TMEM178B: variants seen among roughly 807,000 people sequenced by gnomAD.
The protein encoded by TMEM178B is transmembrane protein 178B.
Under a neutral mutation model 31.0 loss-of-function variants are expected in TMEM178B, and 5 were observed. The observed-to-expected ratio is 0.16, with a 90% CI of 0.08 to 0.34. TMEM178B has a LOEUF of 0.34. TMEM178B is among the 10% of genes least tolerant of loss of function. TMEM178B has a pLI of 1.00. For synonymous variants in TMEM178B, 164 were observed against 164.0 expected (o/e 1.00, Z 0.00); for missense variants, 275 against 400.3 (o/e 0.69, Z 2.67).
At chr7:141,225,722 C>T (rs1392768719) in intron 2 of TMEM178B, among the ~76,000 whole-genome samples, 1 of 152,182 alleles carries the variant, frequency 6.6e-6, no homozygotes, top group East Asian at 1.9e-4. Flanking sequence ...GACTGGATCC[C>T]CCAAATTGGA....
chr7:141,213,224 T>A (rs1017531690), intron 2 of TMEM178B, among the ~76,000 whole-genome samples: 2 of 152,164 alleles, frequency 1.3e-5, no homozygotes, highest in Non-Finnish European at 1.5e-5. Flanking sequence ...AAATGATAGG[T>A]TTTGGAACCT....
intron 2 of TMEM178B, among the ~76,000 whole-genome samples, chr7:141,310,683 C>T (rs528959081): frequency 1.2e-3 from 182 of 152,220 alleles, no homozygotes; most frequent in African/African-American, 4.3e-3. Flanking sequence ...GGACAAATAA[C>T]GCTTTTACAC....
chr7:141,507,636 G>A, the TMEM178B span, among the ~76,000 whole-genome samples: 1 of 152,256 alleles, frequency 6.6e-6, no homozygotes, highest in African/African-American at 2.4e-5. Flanking sequence ...CTCCCAAAGT[G>A]CTGGGATTAC....
intron 1 of TMEM178B, among the ~76,000 whole-genome samples, chr7:141,204,186 C>T (rs777485652): frequency 3.2e-4 from 49 of 152,138 alleles, no homozygotes; most frequent in Non-Finnish European, 5.3e-4. Context: ...GAGCTGGAAG[C>T]GTGAGACTGG....
At chr7:141,295,582 C>T (rs1365832104) in intron 2 of TMEM178B, among the ~76,000 whole-genome samples, 1 of 152,172 alleles carries the variant, frequency 6.6e-6, no homozygotes, top group Non-Finnish European at 1.5e-5. Flanking sequence ...TATGAAGAGG[C>T]AGAAGCAGCA....
intron 2 of TMEM178B, among the ~76,000 whole-genome samples, chr7:141,424,564 T>A (rs758056903): frequency 2.0e-5 from 3 of 152,196 alleles, no homozygotes; most frequent in Non-Finnish European, 4.4e-5. Flanking sequence ...TGGAATTTTT[T>A]AAAAACAATA....
chr7:141,213,248 A>C (rs757929394), intron 2 of TMEM178B, among the ~76,000 whole-genome samples: 2 of 152,206 alleles, frequency 1.3e-5, no homozygotes, highest in Non-Finnish European at 2.9e-5. Flanking sequence ...TTCATGTGCA[A>C]TTCCTCAGCA....
intron 1 of TMEM178B, among the ~76,000 whole-genome samples, chr7:141,097,793 C>CTTTTTTTTTT (rs552569756): frequency 1.6e-5 from 2 of 125,936 alleles, no homozygotes; most frequent in African/African-American, 3.2e-5. Flanking sequence ...TTCTTTCTTT[C>CTTTTTTTTTT]TTTTTTTTTT....
At chr7:141,167,582 C>T (rs1383562867) in intron 1 of TMEM178B, among the ~76,000 whole-genome samples, 12 of 152,214 alleles carry the variant, frequency 7.9e-5, no homozygotes, top group Admixed American at 2.6e-4. Context: ...CGCTCTTTTT[C>T]GTCCCTTTGA....
intron 1 of TMEM178B, among the ~76,000 whole-genome samples, chr7:141,163,782 G>T (rs1193085821): frequency 6.6e-6 from 1 of 152,130 alleles, no homozygotes; most frequent in African/African-American, 2.4e-5. Flanking sequence ...CCAAAGTGCT[G>T]AGATTACAGG....
At chr7:141,325,044 A>G (rs1386948578) in intron 2 of TMEM178B, among the ~76,000 whole-genome samples, 3 of 152,106 alleles carry the variant, frequency 2.0e-5, no homozygotes, top group Non-Finnish European at 4.4e-5. Flanking sequence ...AGCAAAAAAA[A>G]TCCTGCCTCC....
chr7:141,375,410 C>G (rs1194069055), intron 2 of TMEM178B, among the ~76,000 whole-genome samples: 1 of 152,156 alleles, frequency 6.6e-6, no homozygotes. Flanking sequence ...TAGAGATTGT[C>G]AAAGTCAGAC....
At chr7:141,099,995 A>C (rs1795026888) in intron 1 of TMEM178B, among the ~76,000 whole-genome samples, 1 of 151,594 alleles carries the variant, frequency 6.6e-6, no homozygotes, top group Admixed American at 6.6e-5. Flanking sequence ...AATTTTTTGT[A>C]TTGTTAGTAG....
intron 3 of TMEM178B, among the ~76,000 whole-genome samples, chr7:141,450,869 G>A (rs1801850708): frequency 6.6e-6 from 1 of 152,188 alleles, no homozygotes; most frequent in Non-Finnish European, 1.5e-5. Flanking sequence ...TTGGAGTCAT[G>A]CAGTTAAGTA....
chr7:141,453,637 C>T (rs1402637636), intron 3 of TMEM178B, among the ~76,000 whole-genome samples: 2 of 152,194 alleles, frequency 1.3e-5, no homozygotes, highest in African/African-American at 4.8e-5. Context: ...CAAAGGGAGC[C>T]TCCCTCTGCT....
At chr7:141,367,603 T>C (rs1800032983) in intron 2 of TMEM178B, among the ~76,000 whole-genome samples, 1 of 152,186 alleles carries the variant, frequency 6.6e-6, no homozygotes, top group Admixed American at 6.5e-5. Context: ...GACCCAGGCA[T>C]GATGCTGGGT....
chr7:141,354,482 C>T (rs1158174706), intron 2 of TMEM178B, among the ~76,000 whole-genome samples: 2 of 152,210 alleles, frequency 1.3e-5, no homozygotes, highest in East Asian at 3.9e-4. Flanking sequence ...AGCTTACTCA[C>T]TCCAGTATGG....
rs1255114258 is a variant in TMEM178B at position 141,446,207 on chromosome 7, C to T, written c.634+8462C>T. ...CCTCATTTTCACACTGAAGCTGGGG[C>T]AGACCCAAAGGAGTTTCACCTTTGC... On this transcript the variant is annotated intron_variant, in intron 3 of 3. Transcript: ENST00000565468. 3.3e-5 allele frequency among the ~76,000 whole-genome samples: 5 copies of T among 152,190 alleles called. No homozygotes were observed. The East Asian group carries it at 7.7e-4, about 23-fold the overall frequency.
chr7:141,305,686 T>C (rs1798805019), intron 2 of TMEM178B, among the ~76,000 whole-genome samples: 1 of 151,956 alleles, frequency 6.6e-6, no homozygotes, highest in Non-Finnish European at 1.5e-5. Flanking sequence ...CCGCCCACCT[T>C]GGCCTCTGAA....
Sources: gnomAD v4.1 joint callset for allele counts (sites outside exome capture counted in the v4.1 genomes callset) on GRCh38, gnomAD v4.1.1 for gene constraint, MANE v1.5 for transcripts, NCBI Gene and HGNC (gene_info 2026-07-23, HGNC 2026-07-21) for gene names.